The following CSE1L variants were observed in gnomAD, a reference collection of about 807,000 sequenced individuals.
CSE1L encodes the protein exportin-2.
CSE1L carries 24 observed loss-of-function variants against 120.4 expected under a neutral mutation model. The ratio of observed to expected loss-of-function variants is 0.20; its 90% CI spans 0.14 to 0.28. The LOEUF (loss-of-function observed/expected upper bound fraction) is 0.28. Among genes scored for constraint, CSE1L ranks in the 10% least tolerant of loss-of-function variants. CSE1L has a pLI of 1.00. For missense variants in CSE1L, 830 were observed against 1,145.2 expected (o/e 0.72, Z 3.97); for synonymous variants, 402 against 398.3 (o/e 1.01, Z -0.11).
chr20:49,048,067 T>C (rs2123631591), intron 1 of CSE1L, among the ~76,000 whole-genome samples: 1 of 152,108 alleles, frequency 6.6e-6, no homozygotes, highest in East Asian at 1.9e-4. Flanking sequence ...CCTTTAGTCT[T>C]GGATTCCACC....
chr20:49,085,867 C>T (rs1007138508), intron 16 of CSE1L, among the ~76,000 whole-genome samples: 4 of 152,056 alleles, frequency 2.6e-5, no homozygotes, highest in Non-Finnish European at 5.9e-5. Flanking sequence ...ACCTGGCCAA[C>T]AGTAATCTTA....
At chr20:49,047,550 TTCTTTTC>T (rs1568757149) in intron 1 of CSE1L, among the ~76,000 whole-genome samples, 5 of 142,436 alleles carry the variant, frequency 3.5e-5, no homozygotes, top group South Asian at 2.2e-4. Flanking sequence ...CTTTTTCTTT[TTCTTTTC>T]TCTTTTCTTT....
chr20:49,075,681 T>C (rs1209941401), intron 12 of CSE1L, among the ~76,000 whole-genome samples, 161 bp downstream of exon 12: 1 of 152,200 alleles, frequency 6.6e-6, no homozygotes, highest in East Asian at 1.9e-4. Context: ...GTTGATGTAT[T>C]GAGCACTTAA....
chr20:49,091,862 CAAAG>C (rs1055062581), intron 21 of CSE1L, among the ~76,000 whole-genome samples, 180 bp from the exon 22 acceptor site: 24 of 152,216 alleles, frequency 1.6e-4, no homozygotes, highest in African/African-American at 5.8e-4. Context: ...AAATATAAAT[CAAAG>C]AGAGACAGCA....
At chr20:49,079,382 A>G (rs903087555) in intron 14 of CSE1L, among the ~76,000 whole-genome samples, 2 of 150,966 alleles carry the variant, frequency 1.3e-5, no homozygotes, top group Non-Finnish European at 2.9e-5. Context: ...ATCTGCCACC[A>G]CGCCTGGCTG....
intron 19 of CSE1L, among the ~76,000 whole-genome samples, chr20:49,090,471 G>A (rs1360567269): frequency 1.3e-5 from 2 of 152,064 alleles, no homozygotes; most frequent in African/African-American, 4.8e-5. Flanking sequence ...CAGGAGAATC[G>A]CTTGAACCTG....
chr20:49,075,296 A>G (rs562001175), intron 11 of CSE1L, 22 bp from the exon 12 acceptor site: 6 of 1,578,194 alleles, frequency 3.8e-6, no homozygotes, highest in Middle Eastern at 1.7e-4. Context: ...TCCCCATAAT[A>G]TATTTTCTTT....
intron 3 of CSE1L, 146 bp from the exon 4 acceptor site, chr20:49,066,046 A>G (rs1041620498): frequency 6.0e-6 from 4 of 663,780 alleles, no homozygotes; most frequent in Admixed American, 5.8e-5. Context: ...CCATTCATGT[A>G]GAGGGAAACT....
rs778519524 is a variant in CSE1L at position 49,072,685 on chromosome 20, A to G, written c.1054A>G (p.Met352Val). The G allele has an allele frequency of 5.8e-5, 94 of 1,608,852 alleles. 2 individuals carry two copies. In the Admixed American group the frequency reaches 1.3e-3, roughly 22 times the overall value. ...CTGTGAAAAGGTTATTGTGCCTAAC[A>G]TGGAATTTAGAGGTAATTATGGCAA... Reference protein sequence around the residue: ...SICEKVIVPNMEFRAADEEAF... With the variant: ...SICEKVIVPNVEFRAADEEAF... Residue 352 changes from methionine (M) to valine (V), a missense_variant, in exon 10 of 25, where the codon ATG becomes GTG. Physicochemically the swap from Met to Val is conservative, Grantham distance 21. Around this residue, in one of 4 missense-constraint regions of CSE1L, gnomAD observed 543 missense variants for 640.2 expected, o/e 0.85. Transcript: ENST00000262982.
chr20:49,077,153 C>CTTTTTTTTTTTTTTT (rs11439721), intron 13 of CSE1L, 89 bp downstream of exon 13: 5 of 380,898 alleles, frequency 1.3e-5, no homozygotes, highest in Admixed American at 5.5e-5. Flanking sequence ...CCCTTTTGTT[C>CTTTTTTTTTTTTTTT]TTTTTTTTTT....
chr20:49,057,626 GGGTT>G (rs553803635), intron 1 of CSE1L, among the ~76,000 whole-genome samples: 3 of 151,332 alleles, frequency 2.0e-5, no homozygotes, highest in South Asian at 2.1e-4. Flanking sequence ...CTAATTTTTT[GGGTT>G]GGTTGGTTGG....
intron 10 of CSE1L, 134 bp from the exon 11 acceptor site, chr20:49,074,651 A>G (rs1424612708): frequency 1.7e-6 from 1 of 589,016 alleles, no homozygotes. Flanking sequence ...TTAAGAGTAT[A>G]TGAAGTAGTC....
intron 1 of CSE1L, among the ~76,000 whole-genome samples, chr20:49,047,578 T>TTC (rs2091728349): frequency 9.0e-6 from 1 of 111,230 alleles, no homozygotes; most frequent in Non-Finnish European, 1.9e-5. Flanking sequence ...TTTTTTTTTT[T>TTC]TTTTTTTTTT....
rs2091911413 is a variant in CSE1L, at chr20:49,068,717, C to T, written c.570C>T (p.Ala190=). The part of the protein sequence containing the change: ...FALPLTNLFK[A]TIELCSTHAN... ...ATGTTGCTAAATTCCTTTCCAAGGC[C>T]ACTATTGAACTCTGCAGTACCCATG... Residue 190 remains alanine, a splice_region_variant and synonymous_variant, in exon 7 of 25, where the codon GCC becomes GCT. Coordinates refer to ENST00000262982, the MANE Select transcript of CSE1L (RefSeq NM_001316.4). The T allele has an allele frequency of 6.2e-7, 1 of 1,609,944 alleles. No homozygotes were observed. The highest frequency in any genetic ancestry group is 1.1e-5 in the South Asian group (1 of 90,950).
chr20:49,075,278 G>GTT, intron 11 of CSE1L, 40 bp from the exon 12 acceptor site: 1 of 1,484,444 alleles, frequency 6.7e-7, no homozygotes, highest in South Asian at 1.2e-5. Context: ...GTTGGTGGTT[G>GTT]TTTTTTTTCC....
chr20:49,079,833 A>C (rs1160525225), intron 14 of CSE1L, among the ~76,000 whole-genome samples: 1 of 152,086 alleles, frequency 6.6e-6, no homozygotes, highest in East Asian at 1.9e-4. Flanking sequence ...TAATCCCAAC[A>C]CTTTGAGAGG....
intron 1 of CSE1L, among the ~76,000 whole-genome samples, chr20:49,051,255 G>T (rs1289096517): frequency 1.3e-5 from 2 of 152,344 alleles, no homozygotes; most frequent in Middle Eastern, 3.4e-3. Context: ...TTTGAAAAGA[G>T]TCCTTCCAGG....
At chr20:49,070,901 C>T (rs543452470) in intron 8 of CSE1L, among the ~76,000 whole-genome samples, 2 of 152,336 alleles carry the variant, frequency 1.3e-5, no homozygotes, top group East Asian at 3.9e-4. Flanking sequence ...GTGACCATGC[C>T]ACTGCACTCC....
At chr20:49,051,942 C>T (rs879416874) in intron 1 of CSE1L, among the ~76,000 whole-genome samples, 7 of 152,290 alleles carry the variant, frequency 4.6e-5, no homozygotes, top group Admixed American at 2.0e-4. Flanking sequence ...GTGATCCTTC[C>T]GCCTCGGCCT....
Sources: gnomAD v4.1 joint callset for allele counts (sites outside exome capture counted in the v4.1 genomes callset) on GRCh38, gnomAD v4.1.1 for gene constraint, gnomAD v4.1.1 regional missense constraint, MANE v1.5 for transcripts, NCBI Gene and HGNC (gene_info 2026-07-23, HGNC 2026-07-21) for gene names.